The following VTI1A variants were observed in gnomAD, a reference collection of about 807,000 sequenced individuals.
The protein encoded by VTI1A is vesicle transport through interaction with t-SNAREs 1A.
VTI1A carries 22 observed loss-of-function variants against 34.9 expected under a neutral mutation model. That is an observed-to-expected ratio of 0.63 (90% confidence interval 0.45 to 0.90). The LOEUF is 0.90. Ranked by LOEUF, VTI1A falls within the 40% of genes least tolerant of loss-of-function variation. The pLI is 0.00. For missense variants in VTI1A, 268 were observed against 275.6 expected, an observed-to-expected ratio of 0.97 and a Z score of 0.20; for synonymous variants, 87 against 97.3, an observed-to-expected ratio of 0.89 and a Z score of 0.62.
intron 5 of VTI1A, among the ~76,000 whole-genome samples, chr10:112,550,554 G>A (rs1285514123): frequency 2.0e-5 from 3 of 151,830 alleles, no homozygotes; most frequent in Non-Finnish European, 4.4e-5. Context: ...ATTTCCTCTT[G>A]GGCTACAGTG....
the VTI1A span, among the ~76,000 whole-genome samples, chr10:112,843,285 C>G: frequency 3.3e-5 from 5 of 152,324 alleles, no homozygotes; most frequent in African/African-American, 1.2e-4. Flanking sequence ...GACCATGATG[C>G]TAAGGACAAC....
chr10:112,691,531 A>C (rs1233926588), intron 7 of VTI1A, among the ~76,000 whole-genome samples: 1 of 152,150 alleles, frequency 6.6e-6, no homozygotes, highest in Admixed American at 6.6e-5. Flanking sequence ...CAGTAGCTAC[A>C]TTTCGAGGCA....
the VTI1A span, among the ~76,000 whole-genome samples, chr10:112,837,572 C>T: frequency 6.6e-6 from 1 of 152,206 alleles, no homozygotes; most frequent in East Asian, 1.9e-4. Context: ...GCCTCTATCT[C>T]AGACATGTGA....
intron 5 of VTI1A, among the ~76,000 whole-genome samples, chr10:112,563,786 G>A (rs1249386757): frequency 1.3e-5 from 2 of 152,118 alleles, no homozygotes. Context: ...GTTCCATGGG[G>A]TTATTCTTAA....
At chr10:112,496,723 A>G (rs1232402503) in intron 3 of VTI1A, among the ~76,000 whole-genome samples, 1 of 152,168 alleles carries the variant, frequency 6.6e-6, no homozygotes, top group Non-Finnish European at 1.5e-5. Context: ...GGGCACTGCA[A>G]TTTTTCAGTC....
At chr10:112,791,040 T>C (rs1852455981) in intron 7 of VTI1A, among the ~76,000 whole-genome samples, 1 of 152,158 alleles carries the variant, frequency 6.6e-6, no homozygotes, top group African/African-American at 2.4e-5. Context: ...TCTTGTTTCA[T>C]TCCTTCCACC....
rs1853586509 is a variant in VTI1A at position 112,818,467 on chromosome 10, A to G, written c.*3084A>G. 4.3e-6 allele frequency: 1 copy of G among 230,196 alleles called. No homozygotes were observed. Among genetic ancestry groups the G allele is most frequent in the African/African-American group, 2.2e-5 (1 of 45,100 alleles). 14.3% of individuals were successfully genotyped at this position (230,196 alleles called of 1,614,324 possible). On this transcript the variant is annotated 3_prime_UTR_variant, in exon 8 of 8. Transcript: ENST00000393077. ...CTCTCTTTCTCCTTTTTTTTTGCAC[A>G]TCTTTTCTTTAAAACTGTCAGATCA... is the stretch of plus-strand genomic sequence containing the variant.
intron 5 of VTI1A, among the ~76,000 whole-genome samples, chr10:112,586,652 T>C (rs1844172983): frequency 6.6e-6 from 1 of 152,200 alleles, no homozygotes; most frequent in South Asian, 2.1e-4. Flanking sequence ...TCTTTCTTTG[T>C]TCCTGCTGCC....
At chr10:112,803,766 TA>T (rs1212882521) in intron 7 of VTI1A, among the ~76,000 whole-genome samples, 1 of 151,976 alleles carries the variant, frequency 6.6e-6, no homozygotes, top group Non-Finnish European at 1.5e-5. Flanking sequence ...ACCCTGTCTC[TA>T]AAAAAAATAA....
At position 112,522,631 on chromosome 10, in the gene VTI1A, G is replaced by C. The variant is rs117490965; in HGVS notation, c.265-4456G>C. On this transcript the variant is annotated intron_variant, in intron 3 of 7. Transcript: ENST00000393077. ...CCCATTCAATGTACTGACATTCTAC[G>C]TAGCCATCGAATATTTGCATCCCAT... is the stretch of plus-strand genomic sequence containing the variant. 7.9e-5 allele frequency among the ~76,000 whole-genome samples: 12 copies of C among 152,140 alleles called. No homozygotes were observed. In the South Asian group the frequency reaches 2.3e-3, roughly 29 times the overall value.
At position 112,668,999 on chromosome 10, in the gene VTI1A, G is replaced by GT; in HGVS notation, c.560+2dup. Reference sequence around the variant, plus strand: ...GGATTCTGACAGGGATGTTGCGAAGGTAAGAGCAAGGTAGGGACATATCTT... The same window carrying GT: ...GGATTCTGACAGGGATGTTGCGAAGGTTAAGAGCAAGGTAGGGACATATCTT... On this transcript the variant is annotated splice_donor_variant, in intron 7 of 7. Coordinates refer to ENST00000393077, the MANE Select transcript of VTI1A (RefSeq NM_145206.4). LOFTEE classifies it high-confidence loss of function. 5 of 1,612,118 alleles carry GT rather than the reference G, an allele frequency of 3.1e-6. No homozygotes were observed. Among genetic ancestry groups the GT allele is most frequent in the Non-Finnish European group, 4.2e-6 (5 of 1,178,544 alleles).
chr10:112,592,659 C>G (rs554160869), intron 5 of VTI1A, among the ~76,000 whole-genome samples: 1 of 152,240 alleles, frequency 6.6e-6, no homozygotes, highest in African/African-American at 2.4e-5. Context: ...CAGTAGGTGC[C>G]CAATTCTATA....
the VTI1A span, among the ~76,000 whole-genome samples, chr10:112,848,373 C>T: frequency 5.8e-4 from 89 of 152,268 alleles, 2 homozygotes; most frequent in Non-Finnish European, 5.9e-5. Context: ...GGATAGGCAA[C>T]GATGACTAGG....
rs1390371509 is a variant in VTI1A, at chr10:112,767,010, C to T, written c.561-48280C>T. Among the ~76,000 whole-genome samples the T allele has an allele frequency of 4.6e-5, 7 of 152,226 alleles. No homozygotes were observed. The highest frequency in any genetic ancestry group is 1.5e-5 in the Non-Finnish European group (1 of 68,036). ...TTTAAATCTTGCTCCATATATATTACATATCCTTCAAAGCAGAGTTTAAAG... is the reference window on the plus strand; with the variant it reads ...TTTAAATCTTGCTCCATATATATTATATATCCTTCAAAGCAGAGTTTAAAG... On this transcript the variant is annotated intron_variant, in intron 7 of 7. Transcript: ENST00000393077. The surrounding 1 kb of genome is among the most constrained non-coding windows in gnomAD (Gnocchi z 4.0).
At chr10:112,494,312 T>A (rs1848936483) in intron 3 of VTI1A, among the ~76,000 whole-genome samples, 1 of 152,164 alleles carries the variant, frequency 6.6e-6, no homozygotes, top group Admixed American at 6.5e-5. Flanking sequence ...CATGGTTTTG[T>A]AATTTTTGTG....
At chr10:112,487,620 C>G (rs754353242) in intron 3 of VTI1A, among the ~76,000 whole-genome samples, 37 of 152,256 alleles carry the variant, frequency 2.4e-4, no homozygotes, top group Admixed American at 6.5e-4. Context: ...GCTTCACTTA[C>G]TCTCACCTAG....
intron 5 of VTI1A, among the ~76,000 whole-genome samples, chr10:112,659,189 C>T (rs17129969): frequency 0.069 from 10,441 of 152,220 alleles, 1,216 homozygotes; most frequent in African/African-American, 0.24. Context: ...TCTCCCTTGT[C>T]TGTTAAGTAA....
At chr10:112,843,757 A>G in the VTI1A span, among the ~76,000 whole-genome samples, 2 of 152,088 alleles carry the variant, frequency 1.3e-5, no homozygotes, top group South Asian at 2.1e-4. Context: ...ACGTTCCTCA[A>G]GGTCATCATG....
At chr10:112,452,312 G>A (rs2134014040) in intron 1 of VTI1A, among the ~76,000 whole-genome samples, 1 of 152,266 alleles carries the variant, frequency 6.6e-6, no homozygotes, top group South Asian at 2.1e-4. Context: ...GGCTCACACT[G>A]TAATCTCAGC....
Sources: gnomAD v4.1 joint callset for allele counts (sites outside exome capture counted in the v4.1 genomes callset) on GRCh38, gnomAD v4.1.1 for gene constraint, Gnocchi (gnomAD v3.1) non-coding constraint, MANE v1.5 for transcripts, NCBI Gene and HGNC (gene_info 2026-07-23, HGNC 2026-07-21) for gene names.